The following ARHGEF10 variants were observed in gnomAD, a reference collection of about 807,000 sequenced individuals.
ARHGEF10 encodes Rho guanine nucleotide exchange factor (GEF) 10.
A neutral mutation model predicts 147.4 loss-of-function variants in ARHGEF10; 140 were observed. The ratio of observed to expected loss-of-function variants is 0.95; its 90% CI spans 0.83 to 1.09. The LOEUF (loss-of-function observed/expected upper bound fraction) is 1.09. Among genes scored for constraint, ARHGEF10 ranks in the 50% least tolerant of loss-of-function variants. The pLI, the probability that ARHGEF10 is intolerant of heterozygous loss-of-function variation, is 0.00. For missense variants in ARHGEF10, 2,222 were observed against 1,752.7 expected (o/e 1.27, Z -4.78); for synonymous variants, 902 against 695.8 (o/e 1.30, Z -4.67).
rs1396883596 is a variant in ARHGEF10 at position 1,865,407 on chromosome 8, C to T, written c.545+971C>T. Among the ~76,000 whole-genome samples the T allele has an allele frequency of 3.3e-5, 5 of 151,322 alleles. No homozygotes were observed. In the East Asian group the frequency reaches 5.9e-4, roughly 18 times the overall value. ...CCCCCAGCACCCAGGGGGTGGTCAC[C>T]AGGACATGGGGCATCCCCCAGCACC... On this transcript the variant is annotated intron_variant, in intron 5 of 28. Transcript: ENST00000349830.
rs772836051 is a variant in ARHGEF10, at chr8:1,858,146, C to G, written c.193+31C>G. The G allele has an allele frequency of 1.9e-6, 3 of 1,595,230 alleles. No homozygotes were observed. In the South Asian group the frequency reaches 3.4e-5, roughly 18 times the overall value. The stretch of plus-strand genomic sequence containing the variant: ...TTTCCAGGAGGGTCCCCAGGTGAGT[C>G]CCCAGGTGGGTCCCCAGGTGAGTCC... On this transcript the variant is annotated intron_variant, in intron 3 of 28. Transcript: ENST00000349830.
intron 10 of ARHGEF10, among the ~76,000 whole-genome samples, chr8:1,884,516 A>C (rs954538767): frequency 6.6e-6 from 1 of 152,158 alleles, no homozygotes; most frequent in Non-Finnish European, 1.5e-5. Context: ...ATTAACTAGA[A>C]AGCTTTTAAA....
chr8:1,840,604 G>C (rs1233762990), intron 1 of ARHGEF10, among the ~76,000 whole-genome samples: 3 of 151,192 alleles, frequency 2.0e-5, no homozygotes, highest in Non-Finnish European at 4.4e-5. Flanking sequence ...TATGGGGACT[G>C]TCTGATGTGG....
At chr8:1,919,159 G>A (rs201047683) in intron 18 of ARHGEF10, among the ~76,000 whole-genome samples, 1,490 of 143,012 alleles carry the variant, frequency 0.01, 42 homozygotes, top group African/African-American at 0.037. Context: ...GAGCTGTTCC[G>A]TGGGTGATGG....
chr8:1,889,869 T>G (rs375099959), intron 11 of ARHGEF10, among the ~76,000 whole-genome samples: 1,064 of 91,920 alleles, frequency 0.012, 81 homozygotes, highest in African/African-American at 0.044. Context: ...ACACTGAGTG[T>G]GGTGAGGGTT....
chr8:1,888,686 A>C (rs1469416653), intron 11 of ARHGEF10, among the ~76,000 whole-genome samples: 1 of 97,732 alleles, frequency 1.0e-5, no homozygotes, highest in Non-Finnish European at 1.9e-5. Flanking sequence ...TTGTGAGGAG[A>C]CACTGAATAG....
chr8:1,852,616 C>G (rs1462011558), intron 2 of ARHGEF10, among the ~76,000 whole-genome samples: 1 of 152,186 alleles, frequency 6.6e-6, no homozygotes, highest in Non-Finnish European at 1.5e-5. Context: ...AACTTCCTCG[C>G]CCTTTTTTGC....
chr8:1,826,480 T>C (rs1399598531), intron 1 of ARHGEF10, among the ~76,000 whole-genome samples: 1 of 151,844 alleles, frequency 6.6e-6, no homozygotes, highest in Non-Finnish European at 1.5e-5. Context: ...CGTTGGGTGG[T>C]GTGGAGGGTG....
chr8:1,873,867 T>C (rs1807402278), intron 7 of ARHGEF10, among the ~76,000 whole-genome samples: 1 of 152,076 alleles, frequency 6.6e-6, no homozygotes. Context: ...CTTTTTTCTT[T>C]TTTTTTTATT....
At chr8:1,885,732 G>A (rs377465765) in intron 11 of ARHGEF10, 25 bp downstream of exon 11, 2 of 1,524,092 alleles carry the variant, frequency 1.3e-6, no homozygotes, top group Non-Finnish European at 1.8e-6. Context: ...GCTGACAGGG[G>A]CTGTTGACCA....
At chr8:1,830,191 A>G (rs1288279125) in intron 1 of ARHGEF10, among the ~76,000 whole-genome samples, 1 of 151,728 alleles carries the variant, frequency 6.6e-6, no homozygotes, top group Non-Finnish European at 1.5e-5. Flanking sequence ...GTGTGCGCGC[A>G]CCTGTAATCC....
intron 2 of ARHGEF10, 86 bp from the exon 3 acceptor site, chr8:1,857,874 C>T (rs769751354): frequency 1.1e-4 from 49 of 431,436 alleles, no homozygotes; most frequent in Non-Finnish European, 1.6e-4. Flanking sequence ...TAACATAGAT[C>T]GATCGATCTA....
At position 1,850,108 on chromosome 8, in the gene ARHGEF10, GGCTGCATGGACA is replaced by G. The variant is rs1563174136; in HGVS notation, c.37+6673_37+6684del. On this transcript the variant is annotated intron_variant, in intron 2 of 28. Transcript: ENST00000349830. The stretch of plus-strand genomic sequence containing the variant: ...GCAAATGCTGAGGAGGGCGTGGGCC[GGCTGCATGGACA>G]CAGAGGGCAAATGCTGAGGAGGGTG... Among the ~76,000 whole-genome samples the G allele has an allele frequency of 1.1e-3, 126 of 111,580 alleles. 3 individuals are homozygous for G. The highest frequency in any genetic ancestry group is 9.3e-3 in the East Asian group (33 of 3,556). The allele number at this position is 111,580 out of a possible 152,430, so 73.2% of individuals were successfully genotyped here. A position where few individuals can be genotyped will look rare whatever the true frequency, so the allele number is the denominator to read the frequency against.
intron 10 of ARHGEF10, among the ~76,000 whole-genome samples, chr8:1,883,056 T>C (rs1337886479): frequency 2.0e-5 from 3 of 152,196 alleles, no homozygotes; most frequent in Admixed American, 2.0e-4. Context: ...TATTGGACTC[T>C]GTATTTATAG....
intron 1 of ARHGEF10, among the ~76,000 whole-genome samples, chr8:1,834,801 A>G (rs1803481026): frequency 6.6e-6 from 1 of 152,196 alleles, no homozygotes; most frequent in Admixed American, 6.5e-5. Context: ...TGAATGTGAA[A>G]TCAATCGGGT....
At chr8:1,916,840 T>G (rs1382536729) in intron 18 of ARHGEF10, among the ~76,000 whole-genome samples, 1 of 152,266 alleles carries the variant, frequency 6.6e-6, no homozygotes, top group Non-Finnish European at 1.5e-5. Flanking sequence ...AAGAATGACC[T>G]GTAATTCTTG....
chr8:1,949,395 T>G (rs1188076540), intron 27 of ARHGEF10, among the ~76,000 whole-genome samples: 1 of 152,192 alleles, frequency 6.6e-6, no homozygotes, highest in Non-Finnish European at 1.5e-5. Context: ...ACATACACAT[T>G]CGTTAGAGCG....
chr8:1,855,219 C>T (rs908541573), intron 2 of ARHGEF10, among the ~76,000 whole-genome samples: 2 of 152,150 alleles, frequency 1.3e-5, no homozygotes, highest in African/African-American at 4.8e-5. Flanking sequence ...TTTATAGACT[C>T]ATGTCTAGGT....
Position 1,826,393 on chromosome 8 carries a change from CGT to C in ARHGEF10, c.-48+2285_-48+2286del, listed in dbSNP as rs1456382523. ...ATGCATGTGTGTGCGTTTGTGTGTG[CGT>C]GTGTTTGTGTGTGTGCTGTGTGTGT... On this transcript the variant is annotated intron_variant, in intron 1 of 28. Transcript: ENST00000349830. 6.7e-5 allele frequency among the ~76,000 whole-genome samples: 10 copies of C among 149,776 alleles called. No individual in the cohort carries two copies. In the East Asian group the frequency reaches 1.2e-3, roughly 18 times the overall value.
Sources: allele counts gnomAD v4.1 joint callset (sites outside exome capture counted in the v4.1 genomes callset), GRCh38; gene constraint gnomAD v4.1.1; transcripts MANE v1.5; gene names NCBI Gene and HGNC (gene_info 2026-07-23, HGNC 2026-07-21).